Variants in MYLK observed in about 807,000 individuals in gnomAD.
The protein encoded by MYLK is myosin light chain kinase, smooth muscle.
In MYLK, 106 loss-of-function variants were observed where a neutral mutation model predicts 203.4. The observed-to-expected ratio is 0.52, with a 90% CI of 0.45 to 0.61. The LOEUF (loss-of-function observed/expected upper bound fraction) is 0.61. Ranked by LOEUF, MYLK falls within the 20% of genes least tolerant of loss-of-function variation. The pLI is 0.00. For synonymous variants in MYLK, 867 were observed against 959.5 expected, an observed-to-expected ratio of 0.90 and a Z score of 1.78; for missense variants, 2,072 against 2,442.3, an observed-to-expected ratio of 0.85 and a Z score of 3.20.
At chr3:123,772,893 G>C (rs1267601157) in intron 4 of MYLK, among the ~76,000 whole-genome samples, 4 of 151,824 alleles carry the variant, frequency 2.6e-5, no homozygotes, top group Non-Finnish European at 4.4e-5. Context: ...CTGAAGGAAG[G>C]GTAGTAATTT....
rs1163351329 is a variant in MYLK, at chr3:123,620,220, T to C, written c.5355A>G (p.Lys1785=). ...ACTCCTCCTTACCTTCAGATTCTAG[T>C]TTTTCTGCATTGAGCGGGCTGGTTG... ...GSPTSPLNAE[K]LESEEDVSQA... Residue 1785 remains lysine (K), a synonymous_variant, in exon 32 of 34, where the codon AAA becomes AAG. Coordinates refer to ENST00000360304, the MANE Select transcript of MYLK (RefSeq NM_053025.4). 6 of 1,613,998 alleles carry C rather than the reference T, an allele frequency of 3.7e-6. No individual in the cohort carries two copies. The highest frequency in any genetic ancestry group is 5.1e-6 in the Non-Finnish European group (6 of 1,180,002).
intron 33 of MYLK, among the ~76,000 whole-genome samples, chr3:123,615,575 C>T (rs928338383): frequency 3.3e-5 from 5 of 151,654 alleles, no homozygotes; most frequent in Non-Finnish European, 7.4e-5. Flanking sequence ...CTCAGGTAAT[C>T]TGCCTGCCTT....
chr3:123,796,267 T>C (rs1010183169), intron 3 of MYLK, among the ~76,000 whole-genome samples: 1 of 152,180 alleles, frequency 6.6e-6, no homozygotes, highest in African/African-American at 2.4e-5. Flanking sequence ...ATTTTGTGGA[T>C]TAGACACCTG....
chr3:123,682,129 G>T, intron 20 of MYLK, 95 bp downstream of exon 20: 1 of 938,162 alleles, frequency 1.1e-6, no homozygotes. Context: ...GCAAGAGTGA[G>T]TGACCAGAAA....
intron 2 of MYLK, among the ~76,000 whole-genome samples, chr3:123,849,978 G>A (rs2030551183): frequency 6.6e-6 from 1 of 152,154 alleles, no homozygotes; most frequent in African/African-American, 2.4e-5. Context: ...CCACCTATGA[G>A]CGAGAATATG....
intron 3 of MYLK, among the ~76,000 whole-genome samples, chr3:123,806,296 G>A (rs147633301): frequency 6.6e-6 from 1 of 152,312 alleles, no homozygotes; most frequent in Non-Finnish European, 1.5e-5. Flanking sequence ...AGGGTCCAGA[G>A]TGGACCACTG....
chr3:123,691,720 G>C (rs1359489119), intron 19 of MYLK: 2 of 152,224 alleles, frequency 1.3e-5, no homozygotes, highest in Non-Finnish European at 2.9e-5. Flanking sequence ...ACCAAGCTGG[G>C]CTTCAAGATG....
chr3:123,812,100 A>G (rs1215782532), intron 3 of MYLK, among the ~76,000 whole-genome samples: 1 of 152,180 alleles, frequency 6.6e-6, no homozygotes, highest in African/African-American at 2.4e-5. Flanking sequence ...GACTTCTCAG[A>G]GTCAGCGATA....
intron 4 of MYLK, among the ~76,000 whole-genome samples, chr3:123,776,626 A>C (rs1442645100): frequency 1.3e-5 from 2 of 152,250 alleles, no homozygotes; most frequent in African/African-American, 4.8e-5. Context: ...TGATTTGAAA[A>C]ATGCTATGTT....
Position 123,692,360 on chromosome 3 carries a change from A to G in MYLK, c.3565+375T>C, listed in dbSNP as rs1018937234. ...GCTGACCCTGCTGGGTCGTCCTGCCAGCTCGGACACTTGTTTGTTGTGGCT... is the reference window on the plus strand; with the variant it reads ...GCTGACCCTGCTGGGTCGTCCTGCCGGCTCGGACACTTGTTTGTTGTGGCT... On this transcript the variant is annotated intron_variant, in intron 19 of 33. Transcript: ENST00000360304. 3.3e-5 allele frequency: 39 copies of G among 1,174,546 alleles called. No individual in the cohort carries two copies. The East Asian group carries it at 1.7e-3, about 53-fold the overall frequency. The allele number at this position is 1,174,546 out of a possible 1,614,324, so 72.8% of individuals were successfully genotyped here.
chr3:123,742,998 T>C (rs1370855219), intron 5 of MYLK, among the ~76,000 whole-genome samples: 2 of 152,096 alleles, frequency 1.3e-5, no homozygotes, highest in Non-Finnish European at 2.9e-5. Context: ...GCTCAATAGG[T>C]ATGGGGTTTC....
rs996822958 is a variant in MYLK at position 123,613,727 on chromosome 3, A to G, written c.*378T>C. ...CCATCCCCAGGAACCCTCTGGGCTGAGCTGTGGCCCAGAACTCTTGTTTTG... is the reference window on the plus strand; with the variant it reads ...CCATCCCCAGGAACCCTCTGGGCTGGGCTGTGGCCCAGAACTCTTGTTTTG... On this transcript the variant is annotated 3_prime_UTR_variant, in exon 34 of 34. Coordinates refer to ENST00000360304, the MANE Select transcript of MYLK (RefSeq NM_053025.4). 1 of 302,108 alleles carries G rather than the reference A, an allele frequency of 3.3e-6. No individual in the cohort carries two copies. The highest frequency in any genetic ancestry group is 4.9e-5 in the Admixed American group (1 of 20,202). 18.7% of individuals were successfully genotyped at this position (302,108 alleles called of 1,614,324 possible).
At position 123,870,060 on chromosome 3, in the gene MYLK, T is replaced by C. The variant is rs2032657479; in HGVS notation, c.-127+6499A>G. ...CCCCTTCCCACACACAGGCACACTC[T>C]TCTATAAAAGGATCTAGAAAGCCAT... On this transcript the variant is annotated intron_variant, in intron 2 of 33. Transcript: ENST00000360304. Among the ~76,000 whole-genome samples the C allele has an allele frequency of 2.0e-5, 3 of 152,168 alleles. 1 individual carries two copies. In the South Asian group the frequency reaches 6.2e-4, roughly 32 times the overall value.
chr3:123,840,578 G>A (rs896981940), intron 2 of MYLK, among the ~76,000 whole-genome samples: 4 of 151,278 alleles, frequency 2.6e-5, no homozygotes, highest in Middle Eastern at 3.2e-3. Flanking sequence ...AACATTACTT[G>A]ATATGAAAAT....
At chr3:123,653,986 T>TTGTGTGTGTGTGTGTGTG (rs752791805) in intron 24 of MYLK, among the ~76,000 whole-genome samples, 7 of 137,650 alleles carry the variant, frequency 5.1e-5, no homozygotes, top group South Asian at 2.5e-4. Flanking sequence ...CAGAGGGATG[T>TTGTGTGTGTGTGTGTGTG]TGTGTGTGTG....
chr3:123,739,872 A>C, intron 6 of MYLK, 81 bp downstream of exon 6: 1 of 1,473,368 alleles, frequency 6.8e-7, no homozygotes, highest in Admixed American at 1.7e-5. Context: ...GAGAGCCAAG[A>C]CTTACTCCCC....
chr3:123,620,233 A>T lies in MYLK; in HGVS notation c.5342T>A (p.Leu1781His). Residue 1781 changes from leucine to histidine, a missense_variant, in exon 32 of 34, where the codon CTC (leucine) becomes CAC (histidine). Coordinates refer to ENST00000360304, the MANE Select transcript of MYLK (RefSeq NM_053025.4). ...TTCAGATTCTAGTTTTTCTGCATTG[A>T]GCGGGCTGGTTGGTGACCCTGTTGA... ...KSSTGSPTSPLNAEKLESEED... is the reference protein window; with the variant it reads ...KSSTGSPTSPHNAEKLESEED... 6.2e-7 allele frequency: 1 copy of T among 1,614,084 alleles called. No homozygotes were observed. The highest frequency in any genetic ancestry group is 8.5e-7 in the Non-Finnish European group (1 of 1,180,004).
intron 5 of MYLK, among the ~76,000 whole-genome samples, chr3:123,746,161 T>G (rs1176700597): frequency 6.6e-6 from 1 of 152,146 alleles, no homozygotes; most frequent in Non-Finnish European, 1.5e-5. Context: ...CGGCTTTATT[T>G]ACAATTTAAA....
At chr3:123,767,554 C>G (rs1253570279) in intron 4 of MYLK, among the ~76,000 whole-genome samples, 3 of 152,198 alleles carry the variant, frequency 2.0e-5, no homozygotes, top group Non-Finnish European at 2.9e-5. Context: ...TTGCAGTGAG[C>G]CAAGATTGCG....
Sources: allele counts gnomAD v4.1 joint callset (sites outside exome capture counted in the v4.1 genomes callset), GRCh38; gene constraint gnomAD v4.1.1; transcripts MANE v1.5; gene names NCBI Gene and HGNC (gene_info 2026-07-23, HGNC 2026-07-21).